Variants in OSBPL1A observed in about 807,000 individuals in gnomAD.
OSBPL1A encodes the protein oxysterol-binding protein-related protein 1.
Under a neutral mutation model 137.1 loss-of-function variants are expected in OSBPL1A, and 80 were observed. The observed-to-expected ratio is 0.58, with a 90% CI of 0.49 to 0.70. The LOEUF (loss-of-function observed/expected upper bound fraction) is 0.70, where lower values mean the gene tolerates loss of function less well. Among genes scored for constraint, OSBPL1A ranks in the 30% least tolerant of loss-of-function variants. The pLI is 0.00. For synonymous variants in OSBPL1A, 365 were observed against 389.7 expected (o/e 0.94, Z 0.75); for missense variants, 970 against 1,129.4 (o/e 0.86, Z 2.02).
chr18:24,292,811 A>T lies in OSBPL1A; in HGVS notation c.1174+10826T>A, dbSNP rs560453524. ...TCAGCAGGGAAGAGCTGGCCTGCTC[A>T]AAGGTAACTGAGGTCTGGGCACAGT... On this transcript the variant is annotated intron_variant, in intron 14 of 27. Coordinates refer to ENST00000319481, the MANE Select transcript of OSBPL1A (RefSeq NM_080597.4). Among the ~76,000 whole-genome samples, 35 of 152,292 alleles carry T rather than the reference A, an allele frequency of 2.3e-4. 1 individual carries two copies. The South Asian group carries it at 6.0e-3, about 26-fold the overall frequency.
At chr18:24,336,737 T>C (rs563680940) in intron 5 of OSBPL1A, among the ~76,000 whole-genome samples, 3 of 152,220 alleles carry the variant, frequency 2.0e-5, no homozygotes, top group Non-Finnish European at 2.9e-5. Flanking sequence ...TCCTGACTGA[T>C]GCTTACATAC....
chr18:24,364,234 C>T (rs1380560070), intron 4 of OSBPL1A, among the ~76,000 whole-genome samples: 1 of 152,150 alleles, frequency 6.6e-6, no homozygotes, highest in African/African-American at 2.4e-5. Flanking sequence ...CCAGGTACCC[C>T]AGGCTGCTGG....
chr18:24,329,257 T>A (rs1323001131), intron 7 of OSBPL1A, among the ~76,000 whole-genome samples: 8 of 149,410 alleles, frequency 5.4e-5, no homozygotes, highest in Admixed American at 1.3e-4. Context: ...AAGGAGAAAA[T>A]TTTTAAAAGA....
At chr18:24,298,491 G>T (rs562131475) in intron 14 of OSBPL1A, among the ~76,000 whole-genome samples, 1 of 152,126 alleles carries the variant, frequency 6.6e-6, no homozygotes, top group East Asian at 1.9e-4. Context: ...GACTATAGGC[G>T]TGTGCCACCA....
chr18:24,334,185 T>G (rs940831999), intron 6 of OSBPL1A, 60 bp downstream of exon 6: 5 of 1,399,500 alleles, frequency 3.6e-6, no homozygotes, highest in Non-Finnish European at 4.9e-6. Flanking sequence ...AAGTAAAAAT[T>G]TTCCTGAAGT....
chr18:24,335,038 C>T (rs1441817098), intron 5 of OSBPL1A, among the ~76,000 whole-genome samples: 3 of 152,190 alleles, frequency 2.0e-5, no homozygotes, highest in Non-Finnish European at 2.9e-5. Context: ...CACAGGTGTG[C>T]ACCACCACAC....
chr18:24,166,318 G>C (rs987606217), intron 26 of OSBPL1A, among the ~76,000 whole-genome samples: 1 of 152,106 alleles, frequency 6.6e-6, no homozygotes. Context: ...TTTATTAGTC[G>C]GAATATGCCT....
At chr18:24,270,993 C>A (rs1599595572) in intron 15 of OSBPL1A, among the ~76,000 whole-genome samples, 1 of 152,164 alleles carries the variant, frequency 6.6e-6, no homozygotes, top group Non-Finnish European at 1.5e-5. Context: ...AAACAACTAG[C>A]CACATGCTCT....
At chr18:24,186,926 A>G (rs2086762811) in intron 18 of OSBPL1A, among the ~76,000 whole-genome samples, 1 of 151,414 alleles carries the variant, frequency 6.6e-6, no homozygotes. Context: ...AAAAAAAAAA[A>G]AAAAAAATTC....
At position 24,383,647 on chromosome 18, in the gene OSBPL1A, G is replaced by A. The variant is rs183461504; in HGVS notation, c.-2-6112C>T. On this transcript the variant is annotated intron_variant, in intron 1 of 27. Coordinates refer to ENST00000319481, the MANE Select transcript of OSBPL1A (RefSeq NM_080597.4). ...GACTCACCTGTAGTCCCAGCTACTCGGGAGGCTGAGGCAAGAGAATTGCTT... is the reference window on the plus strand; with the variant it reads ...GACTCACCTGTAGTCCCAGCTACTCAGGAGGCTGAGGCAAGAGAATTGCTT... 7.0e-4 allele frequency among the ~76,000 whole-genome samples: 106 copies of A among 152,260 alleles called. 1 individual carries two copies. Among genetic ancestry groups the A allele is most frequent in the Non-Finnish European group, 1.4e-3 (94 of 68,016 alleles).
At chr18:24,176,899 C>T (rs931267629) in intron 21 of OSBPL1A, among the ~76,000 whole-genome samples, 1 of 152,124 alleles carries the variant, frequency 6.6e-6, no homozygotes, top group Non-Finnish European at 1.5e-5. Context: ...TTCTTGAGCT[C>T]CCTCCTCTTT....
At chr18:24,395,879 C>T (rs1599748480) in intron 1 of OSBPL1A, among the ~76,000 whole-genome samples, 1 of 150,712 alleles carries the variant, frequency 6.6e-6, no homozygotes, top group African/African-American at 2.4e-5. Flanking sequence ...GCCTCGGCCT[C>T]CCAAAGTGCT....
intron 13 of OSBPL1A, among the ~76,000 whole-genome samples, chr18:24,310,046 C>CAAAAAAAA (rs56309417): frequency 1.1e-5 from 1 of 90,600 alleles, no homozygotes; most frequent in African/African-American, 4.6e-5. Flanking sequence ...GACTCTGTCT[C>CAAAAAAAA]AAAAAAAAAA....
intron 14 of OSBPL1A, 33 bp downstream of exon 14, chr18:24,303,604 G>C: frequency 6.5e-7 from 1 of 1,548,162 alleles, no homozygotes; most frequent in Non-Finnish European, 8.9e-7. Context: ...ATGTGTTAAA[G>C]AGTGATTGTA....
intron 15 of OSBPL1A, among the ~76,000 whole-genome samples, chr18:24,240,454 G>A (rs980362928): frequency 6.6e-6 from 1 of 152,122 alleles, no homozygotes; most frequent in African/African-American, 2.4e-5. Context: ...AGCATGTACT[G>A]GATTTGATAG....
intron 17 of OSBPL1A, among the ~76,000 whole-genome samples, chr18:24,200,064 T>C (rs1290313403): frequency 1.3e-5 from 2 of 152,238 alleles, no homozygotes; most frequent in African/African-American, 4.8e-5. Context: ...ATATCCAAAA[T>C]ATTAGCATTT....
rs145025541 is a variant in OSBPL1A at position 24,307,406 on chromosome 18, G to A, written c.1093-3688C>T. Among the ~76,000 whole-genome samples, 710 of 152,280 alleles carry A rather than the reference G, an allele frequency of 4.7e-3. 6 individuals carry two copies. Among genetic ancestry groups the A allele is most frequent in the African/African-American group, 0.016 (685 of 41,554 alleles). On this transcript the variant is annotated intron_variant, in intron 13 of 27. Transcript: ENST00000319481. ...TGTAACTTTCTTAGGGTTTCACTTT[G>A]CAATATGTATTTACATAAAGTAAAA...
chr18:24,250,321 T>A (rs985943749), intron 15 of OSBPL1A, among the ~76,000 whole-genome samples: 6 of 152,066 alleles, frequency 3.9e-5, no homozygotes, highest in African/African-American at 1.4e-4. Context: ...GAATTACAGG[T>A]GCACGCTACC....
In OSBPL1A at chr18:24,271,013, G is replaced by C. The variant is rs2089705349; in HGVS notation, c.1281+9829C>G. On this transcript the variant is annotated intron_variant, in intron 15 of 27. Coordinates refer to ENST00000319481, the MANE Select transcript of OSBPL1A (RefSeq NM_080597.4). This position sits in a 1 kb window ranked among gnomAD's most constrained non-coding sequence, Gnocchi z 4.0. ...ACTAGCCACATGCTCTGAATGCTAGGAAACGTGATTCCCCGCTGGTTTAGG... is the reference window on the plus strand; with the variant it reads ...ACTAGCCACATGCTCTGAATGCTAGCAAACGTGATTCCCCGCTGGTTTAGG... 6.6e-6 allele frequency among the ~76,000 whole-genome samples: 1 copy of C among 152,094 alleles called. No homozygotes were observed. The highest frequency in any genetic ancestry group is 2.1e-4 in the South Asian group (1 of 4,828).
Sources: allele counts gnomAD v4.1 joint callset (sites outside exome capture counted in the v4.1 genomes callset), GRCh38; gene constraint gnomAD v4.1.1; non-coding constraint Gnocchi (gnomAD v3.1); transcripts MANE v1.5; gene names NCBI Gene and HGNC (gene_info 2026-07-23, HGNC 2026-07-21).